The following ELMO1 variants were observed in gnomAD, a reference collection of about 807,000 sequenced individuals.
The protein encoded by ELMO1 is engulfment and cell motility protein 1.
Under a neutral mutation model 98.9 loss-of-function variants are expected in ELMO1, and 26 were observed. The ratio of observed to expected loss-of-function variants is 0.26; its 90% CI spans 0.19 to 0.36. The LOEUF is 0.36. ELMO1 is among the 10% of genes least tolerant of loss of function. ELMO1 has a pLI of 1.00. For missense variants in ELMO1, 627 were observed against 935.2 expected, an observed-to-expected ratio of 0.67 and a Z score of 4.30; for synonymous variants, 346 against 346.0, an observed-to-expected ratio of 1.00 and a Z score of 0.00.
chr7:37,140,478 G>A (rs1787562143), intron 13 of ELMO1, among the ~76,000 whole-genome samples: 1 of 151,762 alleles, frequency 6.6e-6, no homozygotes, highest in Admixed American at 6.6e-5. Context: ...CTTAGGCAAA[G>A]ACTTAATGAC....
intron 15 of ELMO1, among the ~76,000 whole-genome samples, chr7:37,027,813 G>T (rs986331157): frequency 6.6e-6 from 1 of 150,908 alleles, no homozygotes; most frequent in Non-Finnish European, 1.5e-5. Context: ...AAAAGGTCAA[G>T]CTCCACACAG....
chr7:36,926,425 T>A (rs754386009), intron 16 of ELMO1, among the ~76,000 whole-genome samples: 2 of 152,206 alleles, frequency 1.3e-5, no homozygotes, highest in Non-Finnish European at 1.5e-5. Context: ...TTTTTCTTTG[T>A]TCTTCAGTAT....
chr7:37,229,778 T>G (rs561211969), intron 8 of ELMO1, among the ~76,000 whole-genome samples: 1 of 152,220 alleles, frequency 6.6e-6, no homozygotes, highest in Non-Finnish European at 1.5e-5. Flanking sequence ...TAAGTAGCAA[T>G]GCAAAGAAAA....
chr7:37,173,760 G>T (rs1052770430), intron 13 of ELMO1, among the ~76,000 whole-genome samples: 1 of 152,124 alleles, frequency 6.6e-6, no homozygotes. Context: ...TTTTTAAAAG[G>T]TCTCTCTTTC....
At chr7:37,279,063 G>A (rs748144904) in intron 4 of ELMO1, among the ~76,000 whole-genome samples, 2 of 152,100 alleles carry the variant, frequency 1.3e-5, no homozygotes, top group African/African-American at 2.4e-5. Context: ...TTAGCCAGGC[G>A]TGGTGGCGGG....
chr7:36,882,688 C>A (rs1392038604), intron 18 of ELMO1, among the ~76,000 whole-genome samples: 2 of 152,340 alleles, frequency 1.3e-5, no homozygotes, highest in South Asian at 4.1e-4. Flanking sequence ...ATTGTAAAAA[C>A]TTCAGAAATC....
At chr7:37,191,405 C>T (rs538328872) in intron 13 of ELMO1, among the ~76,000 whole-genome samples, 1 of 151,896 alleles carries the variant, frequency 6.6e-6, no homozygotes, top group South Asian at 2.1e-4. Flanking sequence ...CAAGGAAGTA[C>T]TTAAAAATAG....
In ELMO1 at chr7:37,377,151, G is replaced by A. The variant is rs551687128; in HGVS notation, c.-73-34388C>T. On this transcript the variant is annotated intron_variant, in intron 1 of 21. Transcript: ENST00000310758. ...GACTGCAAGTTTTGGAGAGTATTAC[G>A]CCACATATTGCTAGCTTAGAAAAAT... Among the ~76,000 whole-genome samples, 64 of 152,260 alleles carry A rather than the reference G, an allele frequency of 4.2e-4. 2 individuals are homozygous for A. The highest frequency in any genetic ancestry group is 1.1e-3 in the African/African-American group (47 of 41,552).
intron 13 of ELMO1, among the ~76,000 whole-genome samples, chr7:37,204,966 G>A (rs1163298975): frequency 6.6e-6 from 1 of 152,194 alleles, no homozygotes; most frequent in East Asian, 1.9e-4. Flanking sequence ...ACAGACAGCT[G>A]ATTGGTGCAT....
intron 15 of ELMO1, among the ~76,000 whole-genome samples, chr7:37,053,424 C>G (rs967591377): frequency 2.0e-5 from 3 of 151,900 alleles, no homozygotes; most frequent in Non-Finnish European, 4.4e-5. Flanking sequence ...TGCAGTAAGT[C>G]AAATATCTTT....
chr7:37,180,996 T>C (rs1022078148), intron 13 of ELMO1, among the ~76,000 whole-genome samples: 1 of 152,176 alleles, frequency 6.6e-6, no homozygotes, highest in Non-Finnish European at 1.5e-5. Context: ...CTCAAAAAAA[T>C]GATTTTTGGA....
chr7:37,386,860 TTA>T (rs1489547702), intron 1 of ELMO1, among the ~76,000 whole-genome samples: 1 of 152,332 alleles, frequency 6.6e-6, no homozygotes, highest in East Asian at 1.9e-4. Context: ...CCTTCAGTGG[TTA>T]TTAGCCTTGC....
At chr7:36,869,959 G>A (rs983617937) in intron 20 of ELMO1, among the ~76,000 whole-genome samples, 2 of 152,202 alleles carry the variant, frequency 1.3e-5, no homozygotes, top group African/African-American at 2.4e-5. Context: ...CCCAGGCTTC[G>A]CTGAGATCCC....
intron 4 of ELMO1, among the ~76,000 whole-genome samples, chr7:37,286,079 G>A (rs1271386266): frequency 4.6e-5 from 7 of 152,082 alleles, no homozygotes; most frequent in Non-Finnish European, 1.0e-4. Flanking sequence ...CCATTCCAGT[G>A]GCATGAGCAG....
intron 14 of ELMO1, among the ~76,000 whole-genome samples, chr7:37,127,935 G>C (rs1469792386): frequency 6.6e-6 from 1 of 152,174 alleles, no homozygotes; most frequent in African/African-American, 2.4e-5. Context: ...ACTCACACCT[G>C]TAATCCCAAC....
intron 11 of ELMO1, among the ~76,000 whole-genome samples, chr7:37,215,986 C>A (rs1362490933): frequency 6.9e-6 from 1 of 143,968 alleles, no homozygotes; most frequent in Non-Finnish European, 1.5e-5. Context: ...TTCTTTTCCT[C>A]TTTTCCTTTT....
chr7:37,072,163 A>AG (rs1797311444), intron 15 of ELMO1, among the ~76,000 whole-genome samples: 1 of 152,222 alleles, frequency 6.6e-6, no homozygotes, highest in Non-Finnish European at 1.5e-5. Flanking sequence ...GCACCAAAAA[A>AG]GGGTCTCCTC....
chr7:37,068,149 T>G (rs532337564), intron 15 of ELMO1, among the ~76,000 whole-genome samples: 4 of 152,170 alleles, frequency 2.6e-5, no homozygotes, highest in African/African-American at 9.7e-5. Context: ...AAAGTTCACA[T>G]GCCTCATCCC....
chr7:37,222,455 C>T (rs544712770), intron 10 of ELMO1, among the ~76,000 whole-genome samples, 160 bp downstream of exon 10: 3 of 152,294 alleles, frequency 2.0e-5, no homozygotes, highest in African/African-American at 7.2e-5. Context: ...AGGACCCCAG[C>T]GGGCCAGCCG....
Sources: allele counts gnomAD v4.1 joint callset (sites outside exome capture counted in the v4.1 genomes callset), GRCh38; gene constraint gnomAD v4.1.1; transcripts MANE v1.5; gene names NCBI Gene and HGNC (gene_info 2026-07-23, HGNC 2026-07-21).